AIG1: variants seen among roughly 807,000 people sequenced by gnomAD.
AIG1 encodes the protein androgen-induced gene 1 protein.
In AIG1, 23 loss-of-function variants were observed where a neutral mutation model predicts 31.4. That is an observed-to-expected ratio of 0.73 (90% CI 0.53 to 1.04). The LOEUF (loss-of-function observed/expected upper bound fraction) is 1.04, where lower values mean the gene tolerates loss of function less well. Ranked by LOEUF, AIG1 falls within the 50% of genes least tolerant of loss-of-function variation. The pLI is 0.00. For synonymous variants in AIG1, 100 were observed against 110.5 expected (o/e 0.90, Z 0.60); for missense variants, 274 against 295.0 (o/e 0.93, Z 0.52).
At chr6:143,134,894 T>A (rs1000375603) in intron 1 of AIG1, among the ~76,000 whole-genome samples, 4 of 152,132 alleles carry the variant, frequency 2.6e-5, no homozygotes, top group Non-Finnish European at 5.9e-5. Flanking sequence ...TCTGAGCACA[T>A]TTTAGATAGG....
chr6:143,319,670 T>TG (rs1776045030), intron 4 of AIG1, among the ~76,000 whole-genome samples: 1 of 151,840 alleles, frequency 6.6e-6, no homozygotes, highest in African/African-American at 2.4e-5. Flanking sequence ...AGCTAAGAGT[T>TG]GGGTTTTTTT....
At chr6:143,219,231 A>AGATG (rs1792270548) in intron 3 of AIG1, among the ~76,000 whole-genome samples, 1 of 152,218 alleles carries the variant, frequency 6.6e-6, no homozygotes, top group Admixed American at 6.5e-5. Context: ...AGAAGTCAAG[A>AGATG]GATGGACCCT....
chr6:143,152,924 T>G (rs754419502), intron 2 of AIG1, among the ~76,000 whole-genome samples: 1 of 152,202 alleles, frequency 6.6e-6, no homozygotes, highest in Non-Finnish European at 1.5e-5. Context: ...TTCTCATGTT[T>G]TGGTCAGTGG....
chr6:143,194,871 C>T (rs930360850), intron 3 of AIG1, among the ~76,000 whole-genome samples: 3 of 152,206 alleles, frequency 2.0e-5, no homozygotes, highest in African/African-American at 7.2e-5. Context: ...ACAAGGTTCT[C>T]TCTGTCTAGT....
chr6:143,088,310 A>G (rs189261212), intron 1 of AIG1, among the ~76,000 whole-genome samples: 11 of 152,266 alleles, frequency 7.2e-5, no homozygotes, highest in East Asian at 1.9e-4. Flanking sequence ...GCTGTTTTAA[A>G]ATAGACATAT....
chr6:143,222,726 G>A (rs1583551473), intron 3 of AIG1, among the ~76,000 whole-genome samples: 1 of 152,038 alleles, frequency 6.6e-6, no homozygotes, highest in Admixed American at 6.5e-5. Flanking sequence ...AGTGTAAAGA[G>A]AGTTGGTGTG....
At chr6:143,270,493 T>A (rs1796440659) in intron 3 of AIG1, among the ~76,000 whole-genome samples, 1 of 152,230 alleles carries the variant, frequency 6.6e-6, no homozygotes, top group Non-Finnish European at 1.5e-5. Context: ...CATTTTCTTT[T>A]TGCAAAGCCA....
At position 143,338,048 on chromosome 6, in the gene AIG1, G is replaced by C. The variant is rs57498557; in HGVS notation, c.680-1591G>C. 13,783 of 398,458 alleles carry C rather than the reference G, an allele frequency of 0.035. 908 individuals are homozygous for C. The highest frequency in any genetic ancestry group is 0.18 in the African/African-American group (8,787 of 48,638). 24.7% of individuals were successfully genotyped at this position (398,458 alleles called of 1,614,324 possible). A position where few individuals can be genotyped will look rare whatever the true frequency, so the allele number is the denominator to read the frequency against. On this transcript the variant is annotated intron_variant, in intron 5 of 5. Transcript: ENST00000357847. The surrounding 1 kb of genome is among the most constrained non-coding windows in gnomAD (Gnocchi z 4.3). ...AATGAATACCCCCCGTTCTCCACCCGCGCTTTTGAAGATTCCAGCACTGCT... is the reference window on the plus strand; with the variant it reads ...AATGAATACCCCCCGTTCTCCACCCCCGCTTTTGAAGATTCCAGCACTGCT...
intron 3 of AIG1, among the ~76,000 whole-genome samples, chr6:143,263,347 C>G (rs555014838): frequency 2.7e-5 from 4 of 150,678 alleles, no homozygotes; most frequent in African/African-American, 9.8e-5. Context: ...TTTCTGATGT[C>G]AGGAACATGC....
At chr6:143,226,013 A>C (rs188922484) in intron 3 of AIG1, among the ~76,000 whole-genome samples, 1 of 152,310 alleles carries the variant, frequency 6.6e-6, no homozygotes, top group Non-Finnish European at 1.5e-5. Context: ...ATTGCTCCAG[A>C]TCTCTTTAAG....
intron 1 of AIG1, among the ~76,000 whole-genome samples, chr6:143,099,876 A>C (rs945005785): frequency 6.6e-6 from 1 of 152,174 alleles, no homozygotes; most frequent in Non-Finnish European, 1.5e-5. Flanking sequence ...GATTTATTAG[A>C]AGTGTGTATT....
At chr6:143,270,836 C>T (rs1796471560) in intron 3 of AIG1, among the ~76,000 whole-genome samples, 1 of 151,810 alleles carries the variant, frequency 6.6e-6, no homozygotes, top group Non-Finnish European at 1.5e-5. Flanking sequence ...GGTATGTGTG[C>T]TTGTGTGTGT....
downstream of AIG1, chr6:143,342,727 T>A: frequency 1.1e-6 from 1 of 940,588 alleles, no homozygotes; most frequent in South Asian, 1.3e-5. Context: ...AGCGGTGGAA[T>A]AACCTAAGTG....
At position 143,326,622 on chromosome 6, in the gene AIG1, C is replaced by T. The variant is rs1265523703; in HGVS notation, c.516-6660C>T. ...AAGAGCTTTAAAAATGAATGAGAGCCCTAGTTCTATAAGAACTTATAAAAA... is the reference window on the plus strand; with the variant it reads ...AAGAGCTTTAAAAATGAATGAGAGCTCTAGTTCTATAAGAACTTATAAAAA... On this transcript the variant is annotated intron_variant, in intron 4 of 5. Transcript: ENST00000357847. The surrounding 1 kb of genome is among the most constrained non-coding windows in gnomAD (Gnocchi z 4.5). Among the ~76,000 whole-genome samples, 1 of 152,016 alleles carries T rather than the reference C, an allele frequency of 6.6e-6. No individual in the cohort carries two copies. Among genetic ancestry groups the T allele is most frequent in the Non-Finnish European group, 1.5e-5 (1 of 67,998 alleles).
At chr6:143,314,859 C>T (rs916579651) in intron 4 of AIG1, among the ~76,000 whole-genome samples, 1 of 152,034 alleles carries the variant, frequency 6.6e-6, no homozygotes, top group Non-Finnish European at 1.5e-5. Context: ...GATTGATTTT[C>T]AATGTGAAAA....
chr6:143,201,291 C>T (rs138483635), intron 3 of AIG1, among the ~76,000 whole-genome samples: 21 of 151,256 alleles, frequency 1.4e-4, no homozygotes, highest in African/African-American at 4.1e-4. Flanking sequence ...CCCTGGAGTT[C>T]GAGACTGTAG....
Position 143,325,753 on chromosome 6 carries a change from C to A in AIG1, c.516-7529C>A, listed in dbSNP as rs1776557908. 6.6e-6 allele frequency among the ~76,000 whole-genome samples: 1 copy of A among 152,174 alleles called. No individual in the cohort carries two copies. Among genetic ancestry groups the A allele is most frequent in the Non-Finnish European group, 1.5e-5 (1 of 68,032 alleles). On this transcript the variant is annotated intron_variant, in intron 4 of 5. Coordinates refer to ENST00000357847, the MANE Select transcript of AIG1 (RefSeq NM_016108.4). The surrounding 1 kb of genome is among the most constrained non-coding windows in gnomAD (Gnocchi z 4.3). Reference sequence around the variant, plus strand: ...AGAAGTTTCACAAAATAATTCTTATCATCATTATATGCAAGGCCCTGTAAT... The same window carrying A: ...AGAAGTTTCACAAAATAATTCTTATAATCATTATATGCAAGGCCCTGTAAT...
At position 143,298,223 on chromosome 6, in the gene AIG1, CTG is replaced by C. The variant is rs1269632085; in HGVS notation, c.515+14001_515+14002del. 5.9e-5 allele frequency among the ~76,000 whole-genome samples: 9 copies of C among 152,154 alleles called. No homozygotes were observed. The stretch of plus-strand genomic sequence containing the variant: ...AAATCCAGGAATTGTCATTTGTACT[CTG>C]TGGAGATCTGATCAGGCCCTAGAGG... On this transcript the variant is annotated intron_variant, in intron 4 of 5. Transcript: ENST00000357847. This position sits in a 1 kb window ranked among gnomAD's most constrained non-coding sequence, Gnocchi z 5.1.
intron 1 of AIG1, among the ~76,000 whole-genome samples, chr6:143,085,420 C>T (rs1383996147): frequency 6.6e-6 from 1 of 152,158 alleles, no homozygotes; most frequent in Non-Finnish European, 1.5e-5. Flanking sequence ...CCCCTTTTCC[C>T]ACCTTTCTTG....
Sources: allele counts gnomAD v4.1 joint callset (sites outside exome capture counted in the v4.1 genomes callset), GRCh38; gene constraint gnomAD v4.1.1; non-coding constraint Gnocchi (gnomAD v3.1); transcripts MANE v1.5; gene names NCBI Gene and HGNC (gene_info 2026-07-23, HGNC 2026-07-21).